SMIM14: variants seen among roughly 807,000 people sequenced by gnomAD.
SMIM14 encodes the protein chromosome 4 open reading frame 34.
Under a neutral mutation model 12.6 loss-of-function variants are expected in SMIM14, and 5 were observed. The ratio of observed to expected loss-of-function variants is 0.40; its 90% CI spans 0.21 to 0.83. The LOEUF (loss-of-function observed/expected upper bound fraction) is 0.83, where lower values mean the gene tolerates loss of function less well. SMIM14 is among the 40% of genes least tolerant of loss of function. The probability of loss-of-function intolerance (pLI) is 0.37; values close to 1 mark genes in which losing one functional copy is unlikely to be tolerated. For synonymous variants in SMIM14, 30 were observed against 40.1 expected, an observed-to-expected ratio of 0.75 and a Z score of 0.95; for missense variants, 86 against 119.1, an observed-to-expected ratio of 0.72 and a Z score of 1.29.
intron 1 of SMIM14, among the ~76,000 whole-genome samples, chr4:39,635,820 T>C (rs538809511): frequency 6.6e-6 from 1 of 152,132 alleles, no homozygotes; most frequent in Non-Finnish European, 1.5e-5. Context: ...CAGGCTCTTT[T>C]GGTGCCAACT....
chr4:39,615,771 C>T (rs138028011), intron 1 of SMIM14, among the ~76,000 whole-genome samples: 3 of 152,110 alleles, frequency 2.0e-5, no homozygotes, highest in African/African-American at 7.2e-5. Flanking sequence ...ACCATTGAAA[C>T]TGGATCATGG....
At chr4:39,625,209 C>G (rs1432592178) in intron 1 of SMIM14, among the ~76,000 whole-genome samples, 2 of 118,738 alleles carry the variant, frequency 1.7e-5, no homozygotes, top group Non-Finnish European at 3.4e-5. Context: ...CAGGGTGAGA[C>G]ATCATCTCAA....
intron 2 of SMIM14, among the ~76,000 whole-genome samples, chr4:39,603,620 T>G (rs1714696647): frequency 6.6e-6 from 1 of 152,054 alleles, no homozygotes; most frequent in South Asian, 2.1e-4. Context: ...AGCCCTGTAT[T>G]TAAGCTTATA....
At chr4:39,603,341 G>A (rs763195710) in intron 2 of SMIM14, among the ~76,000 whole-genome samples, 12 of 151,898 alleles carry the variant, frequency 7.9e-5, no homozygotes, top group Non-Finnish European at 1.0e-4. Flanking sequence ...GGTGGATCAC[G>A]AGGTCAGGAG....
At chr4:39,566,974 C>A (rs114421302) in intron 3 of SMIM14, among the ~76,000 whole-genome samples, 1,827 of 149,566 alleles carry the variant, frequency 0.012, 30 homozygotes, top group African/African-American at 0.043. Flanking sequence ...TCAAAAAAAA[C>A]AAAAAACAAA....
chr4:39,560,922 C>G (rs1490213177), intron 3 of SMIM14, among the ~76,000 whole-genome samples: 2 of 152,162 alleles, frequency 1.3e-5, no homozygotes, highest in African/African-American at 2.4e-5. Context: ...ATGTCCCCAC[C>G]TGCTCAAGCT....
chr4:39,576,684 A>ATATT (rs1560289781), intron 2 of SMIM14, among the ~76,000 whole-genome samples: 1 of 25,552 alleles, frequency 3.9e-5, no homozygotes, highest in Non-Finnish European at 6.7e-5. Flanking sequence ...ATATATATAT[A>ATATT]TTTTTTTTTT....
At chr4:39,633,905 A>C (rs1715997703) in intron 1 of SMIM14, among the ~76,000 whole-genome samples, 1 of 152,240 alleles carries the variant, frequency 6.6e-6, no homozygotes, top group Admixed American at 6.5e-5. Flanking sequence ...CAACAATGCA[A>C]GACCTAGGAG....
intron 1 of SMIM14, among the ~76,000 whole-genome samples, chr4:39,614,213 A>C (rs967801603): frequency 3.3e-5 from 5 of 151,850 alleles, no homozygotes; most frequent in African/African-American, 9.7e-5. Flanking sequence ...AGAAAATTCA[A>C]AATAATCGAG....
chr4:39,614,094 G>A (rs1034554488), intron 1 of SMIM14, among the ~76,000 whole-genome samples: 1 of 148,512 alleles, frequency 6.7e-6, no homozygotes, highest in Non-Finnish European at 1.5e-5. Flanking sequence ...TTGGGAGGCT[G>A]AAGCAGAATT....
intron 1 of SMIM14, among the ~76,000 whole-genome samples, chr4:39,620,412 G>C (rs1301954665): frequency 1.3e-5 from 2 of 152,122 alleles, no homozygotes; most frequent in Non-Finnish European, 2.9e-5. Flanking sequence ...CTGGGAGGTG[G>C]AGCCTGCAGT....
At chr4:39,619,080 T>C (rs901683247) in intron 1 of SMIM14, among the ~76,000 whole-genome samples, 58 of 151,902 alleles carry the variant, frequency 3.8e-4, no homozygotes, top group African/African-American at 1.2e-3. Flanking sequence ...AGACAGGGTT[T>C]AGATAATTTA....
At chr4:39,599,558 G>C (rs1054679721) in intron 2 of SMIM14, among the ~76,000 whole-genome samples, 8 of 152,074 alleles carry the variant, frequency 5.3e-5, no homozygotes, top group African/African-American at 1.9e-4. Flanking sequence ...CTGGAGGTGT[G>C]AAAAATGGCT....
At chr4:39,605,894 C>A (rs1415026884) in intron 1 of SMIM14, among the ~76,000 whole-genome samples, 3 of 152,138 alleles carry the variant, frequency 2.0e-5, no homozygotes, top group African/African-American at 7.2e-5. Flanking sequence ...GCATGCACCA[C>A]GCCCGGCTAC....
chr4:39,634,925 T>C (rs1716036549), intron 1 of SMIM14, among the ~76,000 whole-genome samples: 1 of 152,212 alleles, frequency 6.6e-6, no homozygotes, highest in Admixed American at 6.5e-5. Flanking sequence ...ATTCACTGAG[T>C]ACCTACTATG....
At chr4:39,624,756 G>A (rs192797265) in intron 1 of SMIM14, among the ~76,000 whole-genome samples, 120 of 149,630 alleles carry the variant, frequency 8.0e-4, no homozygotes, top group African/African-American at 2.7e-3. Context: ...CCTAGGAGGC[G>A]GAGGTTGCAT....
At chr4:39,559,491 C>G (rs1712185397) in intron 3 of SMIM14, among the ~76,000 whole-genome samples, 1 of 152,064 alleles carries the variant, frequency 6.6e-6, no homozygotes, top group Non-Finnish European at 1.5e-5. Context: ...AACAGCTTGT[C>G]AAGACCACAG....
chr4:39,617,774 C>A (rs532800262), intron 1 of SMIM14, among the ~76,000 whole-genome samples: 1 of 152,098 alleles, frequency 6.6e-6, no homozygotes, highest in South Asian at 2.1e-4. Context: ...GCTTTAACAG[C>A]GGAAGAGAAT....
chr4:39,559,041 G>A (rs576869498), intron 3 of SMIM14, among the ~76,000 whole-genome samples: 3 of 152,304 alleles, frequency 2.0e-5, no homozygotes, highest in East Asian at 3.9e-4. Context: ...GCATTCAGCT[G>A]TAACCAAGCT....
Sources: allele counts gnomAD v4.1 joint callset (sites outside exome capture counted in the v4.1 genomes callset), GRCh38; gene constraint gnomAD v4.1.1; transcripts MANE v1.5; gene names NCBI Gene and HGNC (gene_info 2026-07-23, HGNC 2026-07-21).